The following LY6S variants were observed in gnomAD, a reference collection of about 807,000 sequenced individuals.
LY6S encodes the protein lymphocyte antigen 6 family member S.
the LY6S span, among the ~76,000 whole-genome samples, chr8:143,076,428 C>CCA: frequency 6.6e-6 from 1 of 152,174 alleles, no homozygotes; most frequent in Non-Finnish European, 1.5e-5. Context: ...TAAGACAGGG[C>CCA]AAGGAGAAGA....
chr8:143,074,497 T>C, the LY6S span, among the ~76,000 whole-genome samples: 3 of 152,174 alleles, frequency 2.0e-5, no homozygotes, highest in African/African-American at 4.8e-5. Context: ...AGGTATTATA[T>C]TAATTGGTTA....
At chr8:143,058,869 G>A in the LY6S span, among the ~76,000 whole-genome samples, 6 of 152,132 alleles carry the variant, frequency 3.9e-5, no homozygotes, top group Non-Finnish European at 8.8e-5. Context: ...CAGAGGGCTC[G>A]CACTCTTGTC....
At chr8:143,073,378 T>C in the LY6S span, among the ~76,000 whole-genome samples, 2 of 144,698 alleles carry the variant, frequency 1.4e-5, no homozygotes, top group Non-Finnish European at 3.0e-5. Flanking sequence ...GGCTCCTGTT[T>C]GAGAAGACAG....
the LY6S span, among the ~76,000 whole-genome samples, chr8:143,062,828 T>C: frequency 6.6e-6 from 1 of 152,184 alleles, no homozygotes; most frequent in Admixed American, 6.5e-5. Context: ...ATGATGATGA[T>C]GATGATGTCA....
the LY6S span, among the ~76,000 whole-genome samples, chr8:143,048,759 C>T: frequency 1.3e-5 from 2 of 152,244 alleles, no homozygotes; most frequent in Middle Eastern, 3.4e-3. Context: ...TGTGAGCCAC[C>T]GTGCCTGGCC....
At chr8:143,070,447 TATATATATATATATATAATATATATATAA>T in the LY6S span, among the ~76,000 whole-genome samples, 1 of 28,388 alleles carries the variant, frequency 3.5e-5, no homozygotes, top group African/African-American at 3.0e-4. Context: ...ATATATATTG[TATATATATATATATATAATATATATATAA>T]ATATATATAT....
the LY6S span, among the ~76,000 whole-genome samples, chr8:143,071,551 G>C: frequency 5.3e-5 from 8 of 152,198 alleles, no homozygotes; most frequent in African/African-American, 1.9e-4. Flanking sequence ...AGAAATGTGA[G>C]ACAGGGCAGG....
At chr8:143,053,570 C>G in the LY6S span, 1 of 152,170 alleles carries the variant, frequency 6.6e-6, no homozygotes, top group Non-Finnish European at 1.5e-5. Context: ...CAGCCCCAAC[C>G]GTCAATACAA....
the LY6S span, among the ~76,000 whole-genome samples, chr8:143,060,124 A>T: frequency 2.0e-5 from 3 of 152,372 alleles, no homozygotes; most frequent in East Asian, 5.8e-4. Flanking sequence ...AGAAGACAAG[A>T]GTGCGAGCCT....
the LY6S span, among the ~76,000 whole-genome samples, chr8:143,049,507 T>A: frequency 6.6e-6 from 1 of 152,164 alleles, no homozygotes; most frequent in Non-Finnish European, 1.5e-5. Context: ...ATGCAGCACC[T>A]GCAGGCTAAA....
the LY6S span, among the ~76,000 whole-genome samples, chr8:143,046,315 C>T: frequency 6.6e-6 from 1 of 152,114 alleles, no homozygotes; most frequent in African/African-American, 2.4e-5. Flanking sequence ...CGGTGGCTCA[C>T]GCCTGTGATC....
chr8:143,041,094 T>C, the LY6S span, among the ~76,000 whole-genome samples: 1 of 152,120 alleles, frequency 6.6e-6, no homozygotes, highest in Admixed American at 6.5e-5. Flanking sequence ...TGGGCACACA[T>C]TGTCATTGAT....
the LY6S span, among the ~76,000 whole-genome samples, chr8:143,067,416 A>G: frequency 2.0e-5 from 3 of 152,234 alleles, no homozygotes. Flanking sequence ...AGTCATTGCC[A>G]TTCTCCATTC....
the LY6S span, among the ~76,000 whole-genome samples, chr8:143,067,882 A>G: frequency 6.6e-6 from 1 of 152,232 alleles, no homozygotes; most frequent in African/African-American, 2.4e-5. Context: ...CTCCAGCCAC[A>G]GGGCAGTTTT....
chr8:143,043,042 G>A, the LY6S span: 1 of 1,367,878 alleles, frequency 7.3e-7, no homozygotes, highest in Non-Finnish European at 9.8e-7. Context: ...AATTCAGTGA[G>A]GCAGCTCTTC....
At chr8:143,046,056 T>C in the LY6S span, among the ~76,000 whole-genome samples, 4 of 152,200 alleles carry the variant, frequency 2.6e-5, no homozygotes, top group Admixed American at 2.6e-4. Flanking sequence ...TTTCACCATG[T>C]TGGCCAGGCT....
At chr8:143,067,256 T>C in the LY6S span, among the ~76,000 whole-genome samples, 7 of 152,136 alleles carry the variant, frequency 4.6e-5, no homozygotes, top group African/African-American at 1.7e-4. Flanking sequence ...CTAAGAAAAA[T>C]TGTTCTGCTT....
the LY6S span, among the ~76,000 whole-genome samples, chr8:143,069,377 C>A: frequency 6.6e-6 from 1 of 152,226 alleles, no homozygotes; most frequent in Non-Finnish European, 1.5e-5. Flanking sequence ...CACTCCTCAT[C>A]CCTCCCTTTC....
At chr8:143,061,225 A>G in the LY6S span, among the ~76,000 whole-genome samples, 2 of 151,894 alleles carry the variant, frequency 1.3e-5, no homozygotes, top group Admixed American at 6.6e-5. Flanking sequence ...CAAGAGTTCA[A>G]GACAAGCCTG....
Sources: gnomAD v4.1 joint callset for allele counts (sites outside exome capture counted in the v4.1 genomes callset) on GRCh38, gnomAD v4.1.1 for gene constraint, MANE v1.5 for transcripts, NCBI Gene and HGNC (gene_info 2026-07-23, HGNC 2026-07-21) for gene names.